RECK: variants seen among roughly 807,000 people sequenced by gnomAD.
RECK encodes reversion inducing cysteine rich protein with kazal motifs.
Under a neutral mutation model 115.1 loss-of-function variants are expected in RECK, and 69 were observed. The ratio of observed to expected loss-of-function variants is 0.60; its 90% CI spans 0.49 to 0.73. The LOEUF (loss-of-function observed/expected upper bound fraction) is 0.73. Ranked by LOEUF, RECK falls within the 30% of genes least tolerant of loss-of-function variation. The pLI is 0.00. For synonymous variants in RECK, 414 were observed against 419.7 expected, an observed-to-expected ratio of 0.99 and a Z score of 0.17; for missense variants, 1,047 against 1,203.7, an observed-to-expected ratio of 0.87 and a Z score of 1.93.
At position 36,087,924 on chromosome 9, in the gene RECK, T is replaced by C; in HGVS notation, c.868T>C (p.Leu290=). Residue 290 remains leucine (L), a synonymous_variant, in exon 9 of 21, where the codon TTG becomes CTG. Transcript: ENST00000377966. ...CTCTACAGGCCTCGATGGGGCTAAA[T>C]TGCATTGTTGTTCTAAAGCAAACAC... ...PPSTGLDGAK[L]HCCSKANTST... is the part of the protein sequence containing the mutation. 1.2e-6 allele frequency: 2 copies of C among 1,613,620 alleles called. No homozygotes were observed. The highest frequency in any genetic ancestry group is 1.7e-6 in the Non-Finnish European group (2 of 1,179,600).
rs1004655407 is a variant in RECK, at chr9:36,055,146, G to T, written c.159+2823G>T. 2.0e-5 allele frequency among the ~76,000 whole-genome samples: 3 copies of T among 152,246 alleles called. No homozygotes were observed. In the East Asian group the frequency reaches 5.8e-4, roughly 29 times the overall value. On this transcript the variant is annotated intron_variant, in intron 2 of 20. Coordinates refer to ENST00000377966, the MANE Select transcript of RECK (RefSeq NM_021111.3). Reference sequence around the variant, plus strand: ...CTCTGAGATGATTTGTATAATTATAGTATATATTCTAGTATGTATTCTGAA... The same window carrying T: ...CTCTGAGATGATTTGTATAATTATATTATATATTCTAGTATGTATTCTGAA...
rs561725701 is a variant in RECK at position 36,065,228 on chromosome 9, T to TAAAAAAAAAAAAA, written c.358-334_358-322dup. ...AATTTGCTACAGAGTGGAATTCAGC[T>TAAAAAAAAAAAAA]AAAAAAAAAAAAAAAAAAAAAAAAA... On this transcript the variant is annotated intron_variant, in intron 5 of 20. Coordinates refer to ENST00000377966, the MANE Select transcript of RECK (RefSeq NM_021111.3). Among the ~76,000 whole-genome samples, 28 of 50,552 alleles carry TAAAAAAAAAAAAA rather than the reference T, an allele frequency of 5.5e-4. 2 individuals are homozygous for TAAAAAAAAAAAAA. Among genetic ancestry groups the TAAAAAAAAAAAAA allele is most frequent in the Non-Finnish European group, 8.9e-4 (23 of 25,728 alleles). 33.2% of individuals were successfully genotyped at this position (50,552 alleles called of 152,430 possible).
chr9:36,063,065 G>T (rs1216603992), intron 4 of RECK, among the ~76,000 whole-genome samples: 1 of 152,008 alleles, frequency 6.6e-6, no homozygotes, highest in Non-Finnish European at 1.5e-5. Flanking sequence ...GACCTGGGAG[G>T]CGGAGGTTGC....
rs1477097207 is a variant in RECK, at chr9:36,108,266, A to G, written c.1765+102A>G. 7 of 830,974 alleles carry G rather than the reference A, an allele frequency of 8.4e-6. No individual in the cohort carries two copies. In the African/African-American group the frequency reaches 1.2e-4, roughly 14 times the overall value. 51.5% of individuals were successfully genotyped at this position (830,974 alleles called of 1,614,324 possible). ...TCTGACCACAGAGTAAGGTCTGCATATCAGATACTCCAGGGCAGTATTTTT... is the reference window on the plus strand; with the variant it reads ...TCTGACCACAGAGTAAGGTCTGCATGTCAGATACTCCAGGGCAGTATTTTT... On this transcript the variant is annotated intron_variant, in intron 14 of 20. Transcript: ENST00000377966.
Position 36,121,534 on chromosome 9 carries a change from T to A in RECK, c.2540T>A (p.Val847Glu). 1 of 1,612,642 alleles carries A rather than the reference T, an allele frequency of 6.2e-7. No individual in the cohort carries two copies. The highest frequency in any genetic ancestry group is 8.5e-7 in the Non-Finnish European group (1 of 1,179,188). The change falls in exon 20 of 21, where the codon GTA becomes GAA. Residue 847 changes from valine (V) to glutamate (E), a missense_variant and splice_region_variant. Physicochemically the swap from Val to Glu is moderately radical, Grantham distance 121. Transcript: ENST00000377966. ...GTAATACATGTTTTCTCTTTCCAGG[T>A]AACAAATAAAAAGCCAATAACAGTT... The part of the protein sequence containing the change: ...DKEKLDTIAK[V>E]TNKKPITVLE...
At chr9:36,061,783 T>A (rs1057126491) in intron 4 of RECK, among the ~76,000 whole-genome samples, 1 of 152,242 alleles carries the variant, frequency 6.6e-6, no homozygotes, top group African/African-American at 2.4e-5. Context: ...CTTTGTACCC[T>A]TAAGACACAT....
intron 13 of RECK, 99 bp from the exon 14 acceptor site, chr9:36,107,877 A>G: frequency 1.2e-6 from 1 of 816,960 alleles, no homozygotes. Context: ...TTTAATAGTG[A>G]TTTAGTACCT....
At chr9:36,100,683 TTCC>T (rs1465276650) in intron 11 of RECK, 140 bp downstream of exon 11, 2 of 608,250 alleles carry the variant, frequency 3.3e-6, no homozygotes, top group Middle Eastern at 4.6e-4. Context: ...TTCCCACTTT[TTCC>T]TCCTCTAGTT....
At chr9:36,061,393 TACACACACACACACACACACAC>T (rs58265948) in intron 4 of RECK, among the ~76,000 whole-genome samples, 11 of 129,030 alleles carry the variant, frequency 8.5e-5, no homozygotes, top group Middle Eastern at 3.7e-3. Flanking sequence ...TGTAATTTTC[TACACACACACACACACACACAC>T]ACACACACAC....
chr9:36,073,107 CAACA>C (rs1461281155), intron 6 of RECK, among the ~76,000 whole-genome samples: 1 of 151,226 alleles, frequency 6.6e-6, no homozygotes, highest in Non-Finnish European at 1.5e-5. Context: ...TCCCTTGGAA[CAACA>C]AACAATCAAA....
intron 1 of RECK, among the ~76,000 whole-genome samples, chr9:36,043,058 C>T (rs1820938212): frequency 8.9e-6 from 1 of 112,802 alleles, no homozygotes; most frequent in Non-Finnish European, 1.7e-5. Context: ...CGGAGTCTCG[C>T]TCTGTTGCCT....
chr9:36,058,118 A>G (rs1297149130), intron 2 of RECK, among the ~76,000 whole-genome samples: 1 of 150,972 alleles, frequency 6.6e-6, no homozygotes, highest in Non-Finnish European at 1.5e-5. Flanking sequence ...ATCTAGAACT[A>G]GAAATACCAT....
Position 36,118,939 on chromosome 9 carries a change from A to G in RECK, c.2436A>G (p.Ala812=), listed in dbSNP as rs1346750728. Residue 812 remains alanine, a synonymous_variant, in exon 18 of 21, where the codon GCA becomes GCG. Coordinates refer to ENST00000377966, the MANE Select transcript of RECK (RefSeq NM_021111.3). ...CASVKCPSLL[A]AGCKPIIPPG... ...CTGTCAAGTGTCCTTCGCTCTTGGC[A>G]GCTGGATGCAAACCCATCATCCCAC... 1.2e-6 allele frequency: 2 copies of G among 1,612,846 alleles called. No homozygotes were observed. The highest frequency in any genetic ancestry group is 1.7e-6 in the Non-Finnish European group (2 of 1,180,010).
intron 10 of RECK, among the ~76,000 whole-genome samples, chr9:36,095,328 GA>G (rs1823296082): frequency 6.6e-6 from 1 of 152,196 alleles, no homozygotes; most frequent in Non-Finnish European, 1.5e-5. Flanking sequence ...AACTATTAGA[GA>G]AATTGAATTT....
chr9:36,073,079 T>C (rs1167523655), intron 6 of RECK, among the ~76,000 whole-genome samples: 1 of 151,740 alleles, frequency 6.6e-6, no homozygotes, highest in African/African-American at 2.4e-5. Context: ...CACTATTGGA[T>C]ACATGTACTT....
chr9:36,101,140 A>T (rs1218369065), intron 11 of RECK, among the ~76,000 whole-genome samples: 1 of 151,992 alleles, frequency 6.6e-6, no homozygotes, highest in Non-Finnish European at 1.5e-5. Flanking sequence ...CTTAGTAGAG[A>T]TGGGGTTTTA....
At chr9:36,050,873 A>G (rs1055876921) in intron 1 of RECK, among the ~76,000 whole-genome samples, 2 of 152,076 alleles carry the variant, frequency 1.3e-5, no homozygotes, top group African/African-American at 4.8e-5. Flanking sequence ...ACACCTTTTC[A>G]GTGAAGCCTT....
chr9:36,052,372 C>A, intron 2 of RECK, 49 bp downstream of exon 2: 1 of 1,384,422 alleles, frequency 7.2e-7, no homozygotes, highest in Non-Finnish European at 1.0e-6. Context: ...GTGGTTCATG[C>A]CTGTAATCCC....
chr9:36,090,970 AAAAGAAG>A (rs1823134378), intron 9 of RECK, among the ~76,000 whole-genome samples, 187 bp from the exon 10 acceptor site: 1 of 152,250 alleles, frequency 6.6e-6, no homozygotes, highest in Non-Finnish European at 1.5e-5. Context: ...GGTAGGTGAT[AAAAGAAG>A]CCTGTTTTCC....
Sources: gnomAD v4.1 joint callset for allele counts (sites outside exome capture counted in the v4.1 genomes callset) on GRCh38, gnomAD v4.1.1 for gene constraint, MANE v1.5 for transcripts, NCBI Gene and HGNC (gene_info 2026-07-23, HGNC 2026-07-21) for gene names.